DLL1: variants seen among roughly 807,000 people sequenced by gnomAD.
The protein encoded by DLL1 is delta like canonical Notch ligand 1.
DLL1 carries 9 observed loss-of-function variants against 75.1 expected under a neutral mutation model. The observed-to-expected ratio is 0.12, with a 90% CI of 0.07 to 0.21. DLL1 has a LOEUF of 0.21. DLL1 is among the 10% of genes least tolerant of loss of function. The probability of loss-of-function intolerance (pLI) is 1.00; values close to 1 mark genes in which losing one functional copy is unlikely to be tolerated. For missense variants in DLL1, 837 were observed against 1,007.6 expected, an observed-to-expected ratio of 0.83 and a Z score of 2.29; for synonymous variants, 477 against 418.3, an observed-to-expected ratio of 1.14 and a Z score of -1.71.
chr6:170,290,826 A>T lies in DLL1; in HGVS notation c.-687T>A. On this transcript the variant is annotated 5_prime_UTR_variant, in exon 1 of 11. Transcript: ENST00000366756. The surrounding 1 kb of genome is among the most constrained non-coding windows in gnomAD (Gnocchi z 4.7). ...ATCCAGTACACACGCGCAGGACCGG[A>T]GGGGCCGGGCCGTGGGAGGAGGCTC... 1.6e-6 allele frequency: 1 copy of T among 618,644 alleles called. No homozygotes were observed. Among genetic ancestry groups the T allele is most frequent in the Admixed American group, 2.6e-5 (1 of 38,822 alleles). 38.3% of individuals were successfully genotyped at this position (618,644 alleles called of 1,614,324 possible). A position where few individuals can be genotyped will look rare whatever the true frequency, so the allele number is the denominator to read the frequency against.
At chr6:170,284,118 T>C (rs1783642466) in intron 8 of DLL1, 89 bp from the exon 9 acceptor site, 1 of 1,494,880 alleles carries the variant, frequency 6.7e-7, no homozygotes, top group Non-Finnish European at 9.0e-7. Flanking sequence ...TCTGACACTG[T>C]AGAAACCAGA....
At position 170,283,607 on chromosome 6, in the gene DLL1, G is replaced by C. The variant is rs1444942630; in HGVS notation, c.1672C>G (p.Leu558Val). ...ACCACAGCGGCACAGCCCAGCAGCAGCATGAGGACAAGGATGACCCCGGCG... is the reference window on the plus strand; with the variant it reads ...ACCACAGCGGCACAGCCCAGCAGCACCATGAGGACAAGGATGACCCCGGCG... ...VCAGVILVLMLLLGCAAVVVC... is the reference protein window; with the variant it reads ...VCAGVILVLMVLLGCAAVVVC... Residue 558 changes from leucine to valine, a missense_variant, in exon 9 of 11, where the codon CTG becomes GTG. Leu to Val is a conservative substitution (Grantham distance 32). This residue lies in a region of DLL1 where 533 missense variants were observed against 545.7 expected (regional missense o/e 0.98). Transcript: ENST00000366756. 6.2e-7 allele frequency: 1 copy of C among 1,612,154 alleles called. No homozygotes were observed. The highest frequency in any genetic ancestry group is 1.1e-5 in the South Asian group (1 of 91,036).
chr6:170,284,998 G>A lies in DLL1; in HGVS notation c.1170C>T (p.Ser390=), dbSNP rs1404939007. 1 of 1,614,166 alleles carries A rather than the reference G, an allele frequency of 6.2e-7. No individual in the cohort carries two copies. Among genetic ancestry groups the A allele is most frequent in the South Asian group, 1.1e-5 (1 of 91,080 alleles). ...CGGAGTAGCCCACGGGGCAGCGGCA[G>A]CTGTACCCTCCATCGGGGCTGTCTG... The part of the protein sequence containing the change: ...RCSDSPDGGY[S]CRCPVGYSGF... Residue 390 remains serine (S), a synonymous_variant, in exon 8 of 11, where the codon AGC becomes AGT. Coordinates refer to ENST00000366756, the MANE Select transcript of DLL1 (RefSeq NM_005618.4).
Position 170,283,031 on chromosome 6 carries a change from T to C in DLL1, c.2123A>G (p.Tyr708Cys), listed in dbSNP as rs767096430. 4.3e-6 allele frequency: 7 copies of C among 1,614,044 alleles called. No homozygotes were observed. The highest frequency in any genetic ancestry group is 1.6e-4 in the Middle Eastern group (1 of 6,084). ...CTCATCCTTCTCCTCGGATATGACG[T>C]ACACCGACTGGTACTTGGTGTCTTT... ...TSKDTKYQSV[Y>C]VISEEKDECV... The change falls in exon 10 of 11, where the codon TAC becomes TGC. Residue 708 changes from tyrosine to cysteine, a missense_variant. Coordinates refer to ENST00000366756, the MANE Select transcript of DLL1 (RefSeq NM_005618.4).
rs748434207 is a variant in DLL1, at chr6:170,282,953, C to A, written c.2166+35G>T. 9 of 1,614,084 alleles carry A rather than the reference C, an allele frequency of 5.6e-6. No homozygotes were observed. In the East Asian group the frequency reaches 1.1e-4, roughly 20 times the overall value. On this transcript the variant is annotated intron_variant, in intron 10 of 10. Transcript: ENST00000366756. ...TGCTCCAGCTTCAGGTGCTCCCATG[C>A]CGAGGAGGAGGGAGCGGCTGCTGCC...
chr6:170,288,871 C>T, intron 2 of DLL1, 82 bp from the exon 3 acceptor site: 4 of 1,518,024 alleles, frequency 2.6e-6, no homozygotes, highest in Non-Finnish European at 3.7e-6. Context: ...TCCTAACAGC[C>T]AGGTCAGCAA....
Position 170,290,232 on chromosome 6 carries a change from G to T in DLL1, c.-93C>A. The T allele has an allele frequency of 6.7e-7, 1 of 1,499,364 alleles. No individual in the cohort carries two copies. Among genetic ancestry groups the T allele is most frequent in the Non-Finnish European group, 9.0e-7 (1 of 1,110,170 alleles). 92.9% of individuals were successfully genotyped at this position (1,499,364 alleles called of 1,614,324 possible). ...GGGGGATCGATGGGCCACGGGGAGC[G>T]TGGGCAGAAAAGCGCCCTTGCCTCG... On this transcript the variant is annotated 5_prime_UTR_variant, in exon 1 of 11. Coordinates refer to ENST00000366756, the MANE Select transcript of DLL1 (RefSeq NM_005618.4). This position sits in a 1 kb window ranked among gnomAD's most constrained non-coding sequence, Gnocchi z 4.7.
At chr6:170,288,916 G>A in intron 2 of DLL1, 127 bp from the exon 3 acceptor site, 1 of 1,014,604 alleles carries the variant, frequency 9.9e-7, no homozygotes, top group Non-Finnish European at 1.5e-6. Context: ...GGGGCAGCGT[G>A]TCTGGAGAGG....
In DLL1 at chr6:170,283,673, G is replaced by A. The variant is rs762582118; in HGVS notation, c.1606C>T (p.Leu536=). ...GGGAATGGCCCGCCCTGGCCCTCTAGCTTCTCAGTGAGGTCCACCACCGCT... is the reference window on the plus strand; with the variant it reads ...GGGAATGGCCCGCCCTGGCCCTCTAACTTCTCAGTGAGGTCCACCACCGCT... The part of the protein sequence containing the change: ...GPAVVDLTEK[L]EGQGGPFPWV... The change falls in exon 9 of 11, where the codon CTA becomes TTA. Residue 536 remains leucine (L), a synonymous_variant. Coordinates refer to ENST00000366756, the MANE Select transcript of DLL1 (RefSeq NM_005618.4). 1.9e-6 allele frequency: 3 copies of A among 1,574,898 alleles called. No homozygotes were observed. Among genetic ancestry groups the A allele is most frequent in the East Asian group, 4.6e-5 (2 of 43,388 alleles).
Position 170,290,034 on chromosome 6 carries a change from C to T in DLL1, c.54+52G>A, listed in dbSNP as rs1033357944. On this transcript the variant is annotated intron_variant, in intron 1 of 10. Transcript: ENST00000366756. The surrounding 1 kb of genome is among the most constrained non-coding windows in gnomAD (Gnocchi z 4.7). ...CCCCGCGCGCTCCTGCCCCGCGCCC[C>T]GGCTACCCGTGAGACCCCGCGGGGC... The T allele has an allele frequency of 1.8e-5, 28 of 1,530,442 alleles. 1 individual carries two copies. Among genetic ancestry groups the T allele is most frequent in the African/African-American group, 1.0e-4 (7 of 69,954 alleles). The allele number at this position is 1,530,442 out of a possible 1,614,324, so 94.8% of individuals were successfully genotyped here.
At chr6:170,284,077 C>G in intron 8 of DLL1, 48 bp from the exon 9 acceptor site, 3 of 1,535,320 alleles carry the variant, frequency 2.0e-6, no homozygotes, top group Non-Finnish European at 1.7e-6. Flanking sequence ...TAGGTTTGTT[C>G]ACCAAAAAGT....
chr6:170,286,429 G>T, intron 4 of DLL1, 131 bp from the exon 5 acceptor site: 1 of 1,132,206 alleles, frequency 8.8e-7, no homozygotes, highest in Non-Finnish European at 1.3e-6. Flanking sequence ...TTCCCAGGTT[G>T]TGGAGGACTG....
intron 4 of DLL1, 61 bp from the exon 5 acceptor site, chr6:170,286,359 G>A (rs989647327): frequency 3.8e-5 from 60 of 1,595,408 alleles, no homozygotes; most frequent in South Asian, 1.9e-4. Context: ...CAGGGCTGCC[G>A]CCCTTGGGGC....
At position 170,282,683 on chromosome 6, in the gene DLL1, G is replaced by A. The variant is rs936659664; in HGVS notation, c.*191C>T. 2.4e-6 allele frequency: 2 copies of A among 844,802 alleles called. No individual in the cohort carries two copies. Among genetic ancestry groups the A allele is most frequent in the African/African-American group, 1.7e-5 (1 of 59,734 alleles). 52.3% of individuals were successfully genotyped at this position (844,802 alleles called of 1,614,324 possible). A position where few individuals can be genotyped will look rare whatever the true frequency, so the allele number is the denominator to read the frequency against. ...CGACGTCACGGAAGGCAGTGCCGCAGGCGGCCGGGCCGCGACAGGCTGTCG... is the reference window on the plus strand; with the variant it reads ...CGACGTCACGGAAGGCAGTGCCGCAAGCGGCCGGGCCGCGACAGGCTGTCG... On this transcript the variant is annotated 3_prime_UTR_variant, in exon 11 of 11. Transcript: ENST00000366756.
rs778102804 is a variant in DLL1, at chr6:170,289,700, C to A, written c.163G>T (p.Ala55Ser). The change falls in exon 2 of 11, where the codon GCC becomes TCC. Residue 55 changes from alanine to serine, a missense_variant. Transcript: ENST00000366756. ...CACACGCGGAAGAAGGTCCGGCAGG[C>A]GCACGGCGGTGGCCCCGCGCCCCCG... Reference protein sequence around the residue: ...CRGGAGPPPCACRTFFRVCLK... With the variant: ...CRGGAGPPPCSCRTFFRVCLK... 6 of 1,547,772 alleles carry A rather than the reference C, an allele frequency of 3.9e-6. No individual in the cohort carries two copies. In the South Asian group the frequency reaches 7.1e-5, roughly 18 times the overall value.
chr6:170,289,372 G>C (rs1330780552), intron 2 of DLL1, 140 bp downstream of exon 2: 1 of 1,349,448 alleles, frequency 7.4e-7, no homozygotes, highest in South Asian at 1.3e-5. Context: ...TGGGGCCGCC[G>C]CTAGGCAGAT....
chr6:170,289,055 A>AG, intron 2 of DLL1: 1 of 598,940 alleles, frequency 1.7e-6, no homozygotes, highest in Non-Finnish European at 3.0e-6. Context: ...AATTAGAGAG[A>AG]GAGAGAGAAT....
chr6:170,290,214 C>A lies in DLL1; in HGVS notation c.-75G>T. The A allele has an allele frequency of 6.5e-7, 1 of 1,545,358 alleles. No individual in the cohort carries two copies. The highest frequency in any genetic ancestry group is 8.7e-7 in the Non-Finnish European group (1 of 1,144,884). Reference sequence around the variant, plus strand: ...GAACAGCGGCGGACGCGCGGGGGATCGATGGGCCACGGGGAGCGTGGGCAG... The same window carrying A: ...GAACAGCGGCGGACGCGCGGGGGATAGATGGGCCACGGGGAGCGTGGGCAG... On this transcript the variant is annotated 5_prime_UTR_variant, in exon 1 of 11. Coordinates refer to ENST00000366756, the MANE Select transcript of DLL1 (RefSeq NM_005618.4). The surrounding 1 kb of genome is among the most constrained non-coding windows in gnomAD (Gnocchi z 4.7).
In DLL1 at chr6:170,285,597, T is replaced by C. The variant is rs777005185; in HGVS notation, c.834A>G (p.Glu278=). The part of the protein sequence containing the change: ...CQQPWQCNCQ[E]GWGGLFCNQD... ...GGTTGCAGAAAAGGCCCCCCCAGCCTTCCTGGCAGTTGCACTGCCAGGGCT... is the reference window on the plus strand; with the variant it reads ...GGTTGCAGAAAAGGCCCCCCCAGCCCTCCTGGCAGTTGCACTGCCAGGGCT... Residue 278 remains glutamate, a synonymous_variant, in exon 6 of 11, where the codon GAA becomes GAG. Transcript: ENST00000366756. 13 of 1,614,096 alleles carry C rather than the reference T, an allele frequency of 8.1e-6. No individual in the cohort carries two copies. The South Asian group carries it at 1.3e-4, about 16-fold the overall frequency.
Sources: allele counts gnomAD v4.1 joint callset, GRCh38; gene constraint gnomAD v4.1.1; regional missense constraint gnomAD v4.1.1; non-coding constraint Gnocchi (gnomAD v3.1); transcripts MANE v1.5; gene names NCBI Gene and HGNC (gene_info 2026-07-23, HGNC 2026-07-21).